The following KIT variants were observed in gnomAD, a reference collection of about 807,000 sequenced individuals.
The protein encoded by KIT is mast/stem cell growth factor receptor Kit.
Under a neutral mutation model 105.7 loss-of-function variants are expected in KIT, and 16 were observed. The observed-to-expected ratio is 0.15, with a 90% CI of 0.10 to 0.23. KIT has a LOEUF of 0.23. Among genes scored for constraint, KIT ranks in the 10% least tolerant of loss-of-function variants. The pLI is 1.00. For missense variants in KIT, 858 were observed against 1,213.8 expected, an observed-to-expected ratio of 0.71 and a Z score of 4.36; for synonymous variants, 438 against 441.1, an observed-to-expected ratio of 0.99 and a Z score of 0.09.
intron 7 of KIT, among the ~76,000 whole-genome samples, chr4:54,714,937 A>G (rs1721376309): frequency 6.6e-6 from 1 of 152,190 alleles, no homozygotes; most frequent in African/African-American, 2.4e-5. Context: ...TGGAAGCCCA[A>G]GTGACTGCTG....
At chr4:54,698,889 TGTTG>T (rs574998624) in intron 3 of KIT, among the ~76,000 whole-genome samples, 38 of 152,340 alleles carry the variant, frequency 2.5e-4, no homozygotes, top group Non-Finnish European at 4.7e-4. Context: ...GCTTGAATTA[TGTTG>T]GTTGAAAAGA....
At chr4:54,670,392 A>G (rs1031858515) in intron 1 of KIT, among the ~76,000 whole-genome samples, 7 of 152,148 alleles carry the variant, frequency 4.6e-5, no homozygotes, top group Non-Finnish European at 7.4e-5. Context: ...ATGAATTTCA[A>G]CTTTAAAGAG....
At chr4:54,731,180 C>G (rs1421010999) in intron 14 of KIT, 148 bp from the exon 15 acceptor site, 3 of 698,540 alleles carry the variant, frequency 4.3e-6, no homozygotes, top group Non-Finnish European at 7.9e-6. Context: ...ACAGGATTTT[C>G]AAACTCTTTA....
chr4:54,667,591 A>G (rs1288137126), intron 1 of KIT, among the ~76,000 whole-genome samples: 10 of 152,198 alleles, frequency 6.6e-5, no homozygotes, highest in Non-Finnish European at 8.8e-5. Flanking sequence ...TGAAGAGGAA[A>G]AGCAAAGGTT....
intron 1 of KIT, among the ~76,000 whole-genome samples, chr4:54,659,623 A>C (rs968554737): frequency 2.0e-5 from 3 of 152,092 alleles, no homozygotes; most frequent in Non-Finnish European, 4.4e-5. Flanking sequence ...ACCCCTGTGC[A>C]GCAGGAGGGG....
chr4:54,694,853 T>A (rs1288118867), intron 1 of KIT, among the ~76,000 whole-genome samples: 1 of 152,120 alleles, frequency 6.6e-6, no homozygotes, highest in Admixed American at 6.5e-5. Flanking sequence ...ATTTCTAGGG[T>A]TCAGGTTTCA....
At position 54,690,058 on chromosome 4, in the gene KIT, T is replaced by TGGG. The variant is rs1184112956; in HGVS notation, c.68-5444_68-5442dup. On this transcript the variant is annotated intron_variant, in intron 1 of 20. Transcript: ENST00000288135. ...TGTATAGAATGTTACTTTTTTTTTGTGGGGGGGGGGGGCTGTGTAATGTTC... is the reference window on the plus strand; with the variant it reads ...TGTATAGAATGTTACTTTTTTTTTGTGGGGGGGGGGGGGGGCTGTGTAATGTTC... 3.1e-3 allele frequency among the ~76,000 whole-genome samples: 292 copies of TGGG among 93,768 alleles called. 7 individuals are homozygous for TGGG. Among genetic ancestry groups the TGGG allele is most frequent in the African/African-American group, 0.01 (278 of 27,616 alleles). 61.5% of individuals were successfully genotyped at this position (93,768 alleles called of 152,430 possible).
At chr4:54,723,770 T>C in intron 8 of KIT, 72 bp downstream of exon 8, 1 of 981,784 alleles carries the variant, frequency 1.0e-6, no homozygotes, top group Non-Finnish European at 1.6e-6. Context: ...ATTTCAAATA[T>C]GTTTTCTGAT....
At chr4:54,658,105 C>G (rs1278096843) in intron 1 of KIT, 24 bp downstream of exon 1, 2 of 1,610,430 alleles carry the variant, frequency 1.2e-6, no homozygotes, top group Non-Finnish European at 1.7e-6. Flanking sequence ...GCTGGCACCC[C>G]GACCGTGCGA....
intron 10 of KIT, 27 bp downstream of exon 10, chr4:54,727,351 G>C: frequency 1.2e-6 from 2 of 1,613,346 alleles, no homozygotes; most frequent in Non-Finnish European, 1.7e-6. Context: ...TCTCTCTCCA[G>C]AGTGCTCTAA....
intron 16 of KIT, 46 bp downstream of exon 16, chr4:54,732,044 G>GGT: frequency 9.8e-7 from 1 of 1,021,182 alleles, no homozygotes; most frequent in Non-Finnish European, 1.3e-6. Flanking sequence ...TTGTTTTTTT[G>GGT]ATTTTTTTTT....
rs2109820284 is a variant in KIT at position 54,738,631 on chromosome 4, C to G, written c.*74C>G. On this transcript the variant is annotated 3_prime_UTR_variant, in exon 21 of 21. Transcript: ENST00000288135. Reference sequence around the variant, plus strand: ...GCTTCCATGATGGTTATTTTCTTTTCTTTCAACTTGCATCCAACTCCAGGA... The same window carrying G: ...GCTTCCATGATGGTTATTTTCTTTTGTTTCAACTTGCATCCAACTCCAGGA... 1 of 1,579,604 alleles carries G rather than the reference C, an allele frequency of 6.3e-7. No individual in the cohort carries two copies. The highest frequency in any genetic ancestry group is 1.3e-5 in the African/African-American group (1 of 74,424).
Position 54,695,672 on chromosome 4 carries a change from G to A in KIT, c.228G>A (p.Glu76=), listed in dbSNP as rs1207973724. 1 of 1,614,222 alleles carries A rather than the reference G, an allele frequency of 6.2e-7. No homozygotes were observed. Among genetic ancestry groups the A allele is most frequent in the Admixed American group, 1.7e-5 (1 of 60,028 alleles). Reference sequence around the variant, plus strand: ...TTGAGATCCTGGATGAAACGAATGAGAATAAGCAGAATGAATGGATCACGG... The same window carrying A: ...TTGAGATCCTGGATGAAACGAATGAAAATAAGCAGAATGAATGGATCACGG... ...WTFEILDETN[E]NKQNEWITEK... Residue 76 remains glutamate (E), a synonymous_variant, in exon 2 of 21, where the codon GAG becomes GAA. Coordinates refer to ENST00000288135, the MANE Select transcript of KIT (RefSeq NM_000222.3).
intron 6 of KIT, 78 bp downstream of exon 6, chr4:54,707,365 C>A: frequency 2.9e-6 from 3 of 1,042,106 alleles, no homozygotes; most frequent in Non-Finnish European, 4.5e-6. Context: ...ATTTCTGTAA[C>A]CCGTAAATCC....
At position 54,738,460 on chromosome 4, in the gene KIT, A is replaced by G. The variant is rs754097617; in HGVS notation, c.2834A>G (p.Asn945Ser). 2.5e-6 allele frequency: 4 copies of G among 1,613,998 alleles called. No homozygotes were observed. The highest frequency in any genetic ancestry group is 1.6e-4 in the Middle Eastern group (1 of 6,082). Residue 945 changes from asparagine (N) to serine (S), a missense_variant, in exon 21 of 21, where the codon AAC (asparagine) becomes AGC (serine). By Grantham distance (46) the Asn-to-Ser change is conservative. Coordinates refer to ENST00000288135, the MANE Select transcript of KIT (RefSeq NM_000222.3). ...IYSNLANCSPNRQKPVVDHSV... is the reference protein window; with the variant it reads ...IYSNLANCSPSRQKPVVDHSV... ...TCCAACTTAGCAAACTGCAGCCCCA[A>G]CCGACAGAAGCCCGTGGTAGACCAT...
At chr4:54,720,880 C>T (rs552177531) in intron 7 of KIT, among the ~76,000 whole-genome samples, 54 of 152,162 alleles carry the variant, frequency 3.5e-4, no homozygotes, top group Admixed American at 7.9e-4. Context: ...ATAAAAAATT[C>T]ATGTTGTCAG....
At chr4:54,735,380 AAAAAAAAAAAAAG>A (rs1560423784) in intron 17 of KIT, among the ~76,000 whole-genome samples, 1 of 107,486 alleles carries the variant, frequency 9.3e-6, no homozygotes. Flanking sequence ...AAAAAAAAAG[AAAAAAAAAAAAAG>A]CTTTCCCAGT....
At chr4:54,732,562 T>G (rs1275107834) in intron 16 of KIT, among the ~76,000 whole-genome samples, 1 of 152,098 alleles carries the variant, frequency 6.6e-6, no homozygotes, top group Non-Finnish European at 1.5e-5. Flanking sequence ...GAAGTAAGAT[T>G]AACCGAACAG....
chr4:54,733,531 AT>A, intron 17 of KIT: 1 of 293,118 alleles, frequency 3.4e-6, no homozygotes, highest in Non-Finnish European at 6.6e-6. Flanking sequence ...AGCAGGAGAA[AT>A]TTTGGGGGGA....
Sources: allele counts gnomAD v4.1 joint callset (sites outside exome capture counted in the v4.1 genomes callset), GRCh38; gene constraint gnomAD v4.1.1; transcripts MANE v1.5; gene names NCBI Gene and HGNC (gene_info 2026-07-23, HGNC 2026-07-21).